The following C2CD3 variants were observed in gnomAD, a reference collection of about 807,000 sequenced individuals.
C2CD3 encodes C2 domain-containing protein 3.
C2CD3 carries 148 observed loss-of-function variants against 234.0 expected under a neutral mutation model. That is an observed-to-expected ratio of 0.63 (90% CI 0.55 to 0.72). The LOEUF (loss-of-function observed/expected upper bound fraction) is 0.72. Ranked by LOEUF, C2CD3 falls within the 30% of genes least tolerant of loss-of-function variation. The pLI is 0.00. For missense variants in C2CD3, 2,577 were observed against 2,811.5 expected, an observed-to-expected ratio of 0.92 and a Z score of 1.89; for synonymous variants, 1,000 against 1,035.4, an observed-to-expected ratio of 0.97 and a Z score of 0.66.
intron 32 of C2CD3, among the ~76,000 whole-genome samples, chr11:74,019,329 T>C (rs1471357924): frequency 3.3e-5 from 5 of 152,198 alleles, no homozygotes; most frequent in African/African-American, 1.2e-4. Flanking sequence ...CGCCAGCCAA[T>C]TTTGGCTGTT....
chr11:74,116,646 A>C (rs999180250), intron 9 of C2CD3, among the ~76,000 whole-genome samples: 17 of 151,920 alleles, frequency 1.1e-4, no homozygotes, highest in Non-Finnish European at 2.4e-4. Flanking sequence ...GAGGAAAAGA[A>C]GTCACTATAT....
intron 32 of C2CD3, among the ~76,000 whole-genome samples, chr11:74,015,412 G>A (rs1359455021): frequency 6.6e-6 from 1 of 152,200 alleles, no homozygotes. Flanking sequence ...TTAAGCTTGT[G>A]TATATCTTTC....
Position 74,109,032 on chromosome 11 carries a change from A to C in C2CD3, c.1962+2T>G. On this transcript the variant is annotated splice_donor_variant, in intron 12 of 32. Transcript: ENST00000334126. LOFTEE classifies it high-confidence loss of function. ...GGCAAAGGCCAAAATCACTCAAAGT[A>C]CCTTTTTCTGTGGAGTTTTCTTTAC... The C allele has an allele frequency of 6.6e-7, 1 of 1,524,602 alleles. No homozygotes were observed. The highest frequency in any genetic ancestry group is 9.1e-7 in the Non-Finnish European group (1 of 1,100,646). The allele number at this position is 1,524,602 out of a possible 1,614,324, so 94.4% of individuals were successfully genotyped here. A position where few individuals can be genotyped will look rare whatever the true frequency, so the allele number is the denominator to read the frequency against.
In C2CD3 at chr11:74,153,210, AAAAACAAAAC is replaced by A. The variant is rs58806804; in HGVS notation, c.483+8179_483+8188del. Among the ~76,000 whole-genome samples the A allele has an allele frequency of 4.8e-3, 705 of 148,134 alleles. 3 individuals are homozygous for A. Among genetic ancestry groups the A allele is most frequent in the African/African-American group, 0.016 (629 of 39,896 alleles). On this transcript the variant is annotated intron_variant, in intron 3 of 32. Coordinates refer to ENST00000334126, the MANE Select transcript of C2CD3 (RefSeq NM_001286577.2). ...GTGACAGAGTGAGACTCTGTCTCTT[AAAAACAAAAC>A]AAAACAAAACAAAACAAAACAAAAC...
chr11:74,093,728 A>G (rs1590782094), intron 18 of C2CD3, 88 bp downstream of exon 18: 1 of 1,026,238 alleles, frequency 9.7e-7, no homozygotes, highest in Non-Finnish European at 1.4e-6. Flanking sequence ...CTTCCTTACA[A>G]TAATTCAACC....
At chr11:74,051,625 G>A (rs939358690) in intron 26 of C2CD3, among the ~76,000 whole-genome samples, 5 of 152,110 alleles carry the variant, frequency 3.3e-5, no homozygotes, top group African/African-American at 1.2e-4. Flanking sequence ...CTTTGTATTT[G>A]TTTTCCCCTC....
At chr11:74,055,827 A>G (rs1456393444) in intron 25 of C2CD3, among the ~76,000 whole-genome samples, 2 of 152,218 alleles carry the variant, frequency 1.3e-5, no homozygotes, top group African/African-American at 4.8e-5. Flanking sequence ...CAGACTATGT[A>G]GCCTCCCTGG....
intron 20 of C2CD3, 28 bp from the exon 21 acceptor site, chr11:74,085,914 A>C (rs936651515): frequency 3.2e-6 from 5 of 1,583,344 alleles, no homozygotes; most frequent in Admixed American, 3.6e-5. Context: ...GGAAATGAGA[A>C]GATACCATGG....
At chr11:74,168,666 CATATA>C (rs1856960520) in intron 1 of C2CD3, 53 bp from the exon 2 acceptor site, 1 of 1,485,228 alleles carries the variant, frequency 6.7e-7, no homozygotes, top group African/African-American at 1.4e-5. Context: ...ATATAGAAAA[CATATA>C]ATATGCTTTT....
intron 7 of C2CD3, among the ~76,000 whole-genome samples, chr11:74,124,347 C>G (rs573190517): frequency 6.6e-6 from 1 of 152,026 alleles, no homozygotes; most frequent in Non-Finnish European, 1.5e-5. Context: ...TTTGAACAAG[C>G]AGATAGTTAA....
chr11:74,122,154 C>T (rs1957238988), intron 8 of C2CD3, among the ~76,000 whole-genome samples: 1 of 152,200 alleles, frequency 6.6e-6, no homozygotes, highest in African/African-American at 2.4e-5. Context: ...CAATTGGGTC[C>T]CTTGTAGCGC....
At chr11:74,111,919 TACACACACACACACACACACACACACAC>T (rs61499954) in intron 11 of C2CD3, among the ~76,000 whole-genome samples, 2 of 125,112 alleles carry the variant, frequency 1.6e-5, no homozygotes, top group African/African-American at 3.0e-5. Context: ...TATTTGCTGA[TACACACACACACACACACACACACACAC>T]ACACACACAC....
chr11:74,033,132 T>C (rs565007169), intron 31 of C2CD3, among the ~76,000 whole-genome samples: 1 of 152,298 alleles, frequency 6.6e-6, no homozygotes, highest in East Asian at 1.9e-4. Context: ...GCTAGGCTAA[T>C]GTGCTACGAA....
intron 32 of C2CD3, among the ~76,000 whole-genome samples, chr11:74,020,863 A>G (rs1952057310): frequency 6.6e-6 from 1 of 152,240 alleles, no homozygotes; most frequent in Non-Finnish European, 1.5e-5. Context: ...GAGAAGTCAC[A>G]TGATTGAGTT....
chr11:74,120,473 C>T (rs1224048500), intron 8 of C2CD3, among the ~76,000 whole-genome samples: 1 of 152,162 alleles, frequency 6.6e-6, no homozygotes, highest in Non-Finnish European at 1.5e-5. Flanking sequence ...TTTTTTATGG[C>T]TGCATAGTAT....
rs751585365 is a variant in C2CD3, at chr11:74,139,818, G to C, written c.494C>G (p.Ala165Gly). The C allele has an allele frequency of 6.2e-7, 1 of 1,606,294 alleles. No individual in the cohort carries two copies. Among genetic ancestry groups the C allele is most frequent in the Non-Finnish European group, 8.5e-7 (1 of 1,172,932 alleles). ...KKLGELQVSL[A>G]LEPLSETYDS... Reference sequence around the variant, plus strand: ...GTAAGTTTCTGACAGAGGTTCCAGGGCAAGTGAGACCTAAGAGAGACAGGT... The same window carrying C: ...GTAAGTTTCTGACAGAGGTTCCAGGCCAAGTGAGACCTAAGAGAGACAGGT... Residue 165 changes from alanine to glycine, a missense_variant, in exon 4 of 33, where the codon GCC (alanine) becomes GGC (glycine). Coordinates refer to ENST00000334126, the MANE Select transcript of C2CD3 (RefSeq NM_001286577.2).
At position 74,033,874 on chromosome 11, in the gene C2CD3, CACTTGT is replaced by C; in HGVS notation, c.6280_6285del (p.Thr2094_Ser2095del). ...TCGTCAGGCTGAGGGCTGATGACCT[CACTTGT>C]GTCTGATATGACACTAGACCAAGGG... On this transcript the variant is annotated inframe_deletion, in exon 31 of 33. Coordinates refer to ENST00000334126, the MANE Select transcript of C2CD3 (RefSeq NM_001286577.2). 1 of 1,536,208 alleles carries C rather than the reference CACTTGT, an allele frequency of 6.5e-7. No homozygotes were observed.
chr11:74,153,028 C>T (rs765195971), intron 3 of C2CD3, among the ~76,000 whole-genome samples: 10 of 152,080 alleles, frequency 6.6e-5, no homozygotes, highest in Non-Finnish European at 1.2e-4. Context: ...GAGTTTGAGA[C>T]CAGCCAGCCA....
At chr11:74,108,837 A>G (rs1271751831) in intron 12 of C2CD3, among the ~76,000 whole-genome samples, 197 bp downstream of exon 12, 1 of 151,660 alleles carries the variant, frequency 6.6e-6, no homozygotes, top group Non-Finnish European at 1.5e-5. Flanking sequence ...CTTTAGTATT[A>G]TATCTGGCCC....
Sources: allele counts gnomAD v4.1 joint callset (sites outside exome capture counted in the v4.1 genomes callset), GRCh38; gene constraint gnomAD v4.1.1; transcripts MANE v1.5; gene names NCBI Gene and HGNC (gene_info 2026-07-23, HGNC 2026-07-21).